Variants in SLC39A11 observed in about 807,000 individuals in gnomAD.
SLC39A11 encodes zinc transporter ZIP11.
In SLC39A11, 33 loss-of-function variants were observed where a neutral mutation model predicts 36.1. The ratio of observed to expected loss-of-function variants is 0.91; its 90% CI spans 0.69 to 1.22. The LOEUF is 1.22. Among genes scored for constraint, SLC39A11 ranks in the 50% most tolerant of loss-of-function variants. SLC39A11 has a pLI of 0.00. For missense variants in SLC39A11, 432 were observed against 430.3 expected, an observed-to-expected ratio of 1.00 and a Z score of -0.03; for synonymous variants, 166 against 170.3, an observed-to-expected ratio of 0.97 and a Z score of 0.20.
intron 6 of SLC39A11, among the ~76,000 whole-genome samples, chr17:72,778,244 C>CCAT (rs1454400962): frequency 6.6e-6 from 1 of 152,146 alleles, no homozygotes; most frequent in African/African-American, 2.4e-5. Flanking sequence ...AGTATTAGAA[C>CCAT]CATCATTTCA....
intron 1 of SLC39A11, chr17:73,092,223 T>C (rs955405761): frequency 6.6e-6 from 1 of 152,162 alleles, no homozygotes; most frequent in African/African-American, 2.4e-5. Context: ...CCAGAGCAAG[T>C]GGGAGGGGCC....
chr17:73,062,308 C>A (rs1468776557), intron 3 of SLC39A11, among the ~76,000 whole-genome samples: 2 of 150,914 alleles, frequency 1.3e-5, no homozygotes, highest in Non-Finnish European at 3.0e-5. Flanking sequence ...AAAAAAAATA[C>A]AAAAATTGGG....
At chr17:72,959,338 T>TATATAC (rs2086462071) in intron 4 of SLC39A11, among the ~76,000 whole-genome samples, 3 of 128,050 alleles carry the variant, frequency 2.3e-5, no homozygotes, top group African/African-American at 9.3e-5. Flanking sequence ...TATATATATA[T>TATATAC]ATATATATAT....
chr17:72,779,986 A>G (rs2076256802), intron 6 of SLC39A11, among the ~76,000 whole-genome samples: 1 of 152,152 alleles, frequency 6.6e-6, no homozygotes, highest in Non-Finnish European at 1.5e-5. Flanking sequence ...TTCTTTCCCC[A>G]GTGACTGGAG....
rs1364233710 is a variant in SLC39A11, at chr17:72,929,618, A to G, written c.430+18134T>C. Among the ~76,000 whole-genome samples the G allele has an allele frequency of 3.9e-5, 6 of 152,194 alleles. 1 individual carries two copies. Among genetic ancestry groups the G allele is most frequent in the Admixed American group, 2.6e-4 (4 of 15,288 alleles). ...AAAAATTCCCAAATATTGAAACTTC[A>G]TATTTTAAGATTAAGGGTGCAAATT... On this transcript the variant is annotated intron_variant, in intron 5 of 9. Transcript: ENST00000255559.
At position 73,011,014 on chromosome 17, in the gene SLC39A11, G is replaced by A. The variant is rs561331249; in HGVS notation, c.306+20542C>T. 2.6e-5 allele frequency among the ~76,000 whole-genome samples: 4 copies of A among 152,342 alleles called. No individual in the cohort carries two copies. In the East Asian group the frequency reaches 7.7e-4, roughly 29 times the overall value. On this transcript the variant is annotated intron_variant, in intron 4 of 9. Transcript: ENST00000255559. The stretch of plus-strand genomic sequence containing the variant: ...CTACTCTGTGCCGGGCACTGTGCTA[G>A]TGTACAGGACACTGCAGAGACATGA...
At chr17:72,898,289 T>C (rs1220051283) in intron 5 of SLC39A11, among the ~76,000 whole-genome samples, 1 of 152,176 alleles carries the variant, frequency 6.6e-6, no homozygotes, top group African/African-American at 2.4e-5. Context: ...CTCAAGGGGC[T>C]GGAGCATCCG....
In SLC39A11 at chr17:72,849,813, A is replaced by C. The variant is rs1437041746; in HGVS notation, c.431-9T>G. On this transcript the variant is annotated splice_polypyrimidine_tract_variant and intron_variant, in intron 5 of 9. Coordinates refer to ENST00000255559, the MANE Select transcript of SLC39A11 (RefSeq NM_139177.4). Reference sequence around the variant, plus strand: ...ACCATTCTCACTCTTGTCTGAGCAAAAAAAAAAAAAAAGAGAGATGGGGAA... The same window carrying C: ...ACCATTCTCACTCTTGTCTGAGCAACAAAAAAAAAAAAGAGAGATGGGGAA... The C allele has an allele frequency of 1.3e-5, 7 of 543,826 alleles. No individual in the cohort carries two copies. Among genetic ancestry groups the C allele is most frequent in the Non-Finnish European group, 1.6e-5 (7 of 431,924 alleles). The allele number at this position is 543,826 out of a possible 1,614,324, so 33.7% of individuals were successfully genotyped here. A position where few individuals can be genotyped will look rare whatever the true frequency, so the allele number is the denominator to read the frequency against.
intron 4 of SLC39A11, among the ~76,000 whole-genome samples, chr17:73,001,851 G>C (rs2089841452): frequency 6.6e-6 from 1 of 152,112 alleles, no homozygotes; most frequent in Non-Finnish European, 1.5e-5. Context: ...GGCTGTACCA[G>C]GGCAATGGAA....
intron 5 of SLC39A11, among the ~76,000 whole-genome samples, chr17:72,941,754 A>G (rs1268396942): frequency 1.3e-5 from 2 of 152,290 alleles, no homozygotes; most frequent in East Asian, 3.9e-4. Context: ...TGCATTGTTT[A>G]TTTAATATCC....
At chr17:72,649,074 T>C in intron 8 of SLC39A11, 96 bp downstream of exon 8, 1 of 1,541,184 alleles carries the variant, frequency 6.5e-7, no homozygotes, top group Non-Finnish European at 8.9e-7. Flanking sequence ...CTACGTCATA[T>C]CTGAGCATGG....
chr17:72,887,524 C>T (rs528780918), intron 5 of SLC39A11, among the ~76,000 whole-genome samples: 1 of 152,320 alleles, frequency 6.6e-6, no homozygotes, highest in East Asian at 1.9e-4. Flanking sequence ...TGCAACACTG[C>T]ACAGTTCTTA....
intron 5 of SLC39A11, among the ~76,000 whole-genome samples, chr17:72,903,916 T>G (rs1382252465): frequency 6.6e-6 from 1 of 152,014 alleles, no homozygotes; most frequent in East Asian, 1.9e-4. Context: ...GCAAGTGAGC[T>G]CCTGGGCAGG....
chr17:72,810,689 T>C (rs1443969019), intron 6 of SLC39A11, among the ~76,000 whole-genome samples: 2 of 151,896 alleles, frequency 1.3e-5, no homozygotes, highest in Non-Finnish European at 2.9e-5. Flanking sequence ...TATGTAAAAA[T>C]TCTTTTTTTT....
At chr17:72,717,043 TATATACAC>T (rs1330468693) in intron 7 of SLC39A11, among the ~76,000 whole-genome samples, 3 of 146,960 alleles carry the variant, frequency 2.0e-5, no homozygotes, top group Non-Finnish European at 4.5e-5. Context: ...ATATAAAATA[TATATACAC>T]ATATATACAT....
chr17:73,001,489 A>C, intron 4 of SLC39A11, among the ~76,000 whole-genome samples: 1 of 151,454 alleles, frequency 6.6e-6, no homozygotes, highest in Non-Finnish European at 1.5e-5. Flanking sequence ...GGTGCAGCAC[A>C]CCAGCATGGC....
intron 7 of SLC39A11, among the ~76,000 whole-genome samples, chr17:72,670,210 CACAT>C (rs1279926904): frequency 0.014 from 992 of 68,716 alleles, 10 homozygotes; most frequent in South Asian, 0.057. Flanking sequence ...CACACACACA[CACAT>C]ATATATATAT....
At chr17:72,769,504 T>G (rs1055591462) in intron 6 of SLC39A11, among the ~76,000 whole-genome samples, 1 of 151,940 alleles carries the variant, frequency 6.6e-6, no homozygotes, top group Non-Finnish European at 1.5e-5. Flanking sequence ...CCCATTCTAT[T>G]CAAAGTGACC....
intron 5 of SLC39A11, among the ~76,000 whole-genome samples, chr17:72,922,960 CAAAAAAAAAAAAA>C (rs10645750): frequency 2.3e-4 from 10 of 44,078 alleles, no homozygotes; most frequent in African/African-American, 3.9e-4. Context: ...GACTCCTTCT[CAAAAAAAAAAAAA>C]AAAAAAAAAA....
Sources: allele counts gnomAD v4.1 joint callset (sites outside exome capture counted in the v4.1 genomes callset), GRCh38; gene constraint gnomAD v4.1.1; transcripts MANE v1.5; gene names NCBI Gene and HGNC (gene_info 2026-07-23, HGNC 2026-07-21).